The following ATXN1 variants were observed in gnomAD, a reference collection of about 807,000 sequenced individuals.
ATXN1 encodes the protein ataxin-1.
In ATXN1, 8 loss-of-function variants were observed where a neutral mutation model predicts 56.4. The ratio of observed to expected loss-of-function variants is 0.14; its 90% CI spans 0.08 to 0.26. ATXN1 has a LOEUF of 0.26. Ranked by LOEUF, ATXN1 falls within the 10% of genes least tolerant of loss-of-function variation. The pLI, the probability that ATXN1 is intolerant of heterozygous loss-of-function variation, is 1.00. For missense variants in ATXN1, 987 were observed against 1,106.5 expected (o/e 0.89, Z 1.53); for synonymous variants, 514 against 494.6 (o/e 1.04, Z -0.52).
intron 6 of ATXN1, among the ~76,000 whole-genome samples, chr6:16,413,901 C>T (rs1758851180): frequency 1.3e-5 from 2 of 152,154 alleles, no homozygotes; most frequent in African/African-American, 4.8e-5. Flanking sequence ...ACAAGAGTTA[C>T]TTTACATTCC....
chr6:16,351,604 T>C (rs904249331), intron 6 of ATXN1, among the ~76,000 whole-genome samples: 8 of 152,160 alleles, frequency 5.3e-5, no homozygotes, highest in African/African-American at 1.9e-4. Context: ...GGTTTCACCA[T>C]GTTGTCCAGG....
chr6:16,372,273 A>C (rs1762054460), intron 6 of ATXN1, among the ~76,000 whole-genome samples: 1 of 152,196 alleles, frequency 6.6e-6, no homozygotes, highest in Non-Finnish European at 1.5e-5. Context: ...GGGCCAGACC[A>C]ATAAGAAAGA....
chr6:16,442,277 T>C (rs751353183), intron 6 of ATXN1, among the ~76,000 whole-genome samples: 28 of 152,112 alleles, frequency 1.8e-4, no homozygotes, highest in Non-Finnish European at 3.5e-4. Context: ...CCAAGGAATA[T>C]TGTTCGCAGA....
intron 2 of ATXN1, among the ~76,000 whole-genome samples, chr6:16,702,785 C>T (rs1348947501): frequency 2.0e-5 from 3 of 152,190 alleles, no homozygotes; most frequent in Non-Finnish European, 2.9e-5. Context: ...AATGACATAC[C>T]ATCTCACACC....
chr6:16,411,355 T>C (rs1758796255), intron 6 of ATXN1, among the ~76,000 whole-genome samples: 11 of 152,056 alleles, frequency 7.2e-5, no homozygotes, highest in Admixed American at 7.2e-4. Context: ...TTAATATTGA[T>C]ATTGAATTAA....
At position 16,669,555 on chromosome 6, in the gene ATXN1, C is replaced by T. The variant is rs773127049; in HGVS notation, c.-614-11654G>A. Among the ~76,000 whole-genome samples the T allele has an allele frequency of 1.3e-3, 192 of 151,896 alleles. 1 individual carries two copies. Among genetic ancestry groups the T allele is most frequent in the Non-Finnish European group, 1.9e-4 (13 of 67,998 alleles). ...ATCCGGCAGACCCCCTTGGTGTGCT[C>T]TACTACAAAAGGCAGTTTTCTGAAT... On this transcript the variant is annotated intron_variant, in intron 2 of 7. Coordinates refer to ENST00000436367, the MANE Select transcript of ATXN1 (RefSeq NM_001128164.2).
chr6:16,333,653 T>C (rs1225879983), intron 6 of ATXN1, among the ~76,000 whole-genome samples: 1 of 152,186 alleles, frequency 6.6e-6, no homozygotes, highest in East Asian at 1.9e-4. Context: ...GTTTCAGCTT[T>C]AAAGAAGAGG....
chr6:16,706,730 A>AC (rs1336339236), intron 2 of ATXN1, among the ~76,000 whole-genome samples: 2 of 78,788 alleles, frequency 2.5e-5, no homozygotes, highest in Non-Finnish European at 5.3e-5. Flanking sequence ...TCTCAAAAAA[A>AC]AAAAAAAAAA....
chr6:16,670,591 A>G (rs933868080), intron 2 of ATXN1, among the ~76,000 whole-genome samples: 1 of 152,202 alleles, frequency 6.6e-6, no homozygotes, highest in African/African-American at 2.4e-5. Context: ...TGGCTCATCT[A>G]TATTTTGGGT....
At chr6:16,708,962 T>C (rs1759468136) in intron 2 of ATXN1, among the ~76,000 whole-genome samples, 1 of 149,948 alleles carries the variant, frequency 6.7e-6, no homozygotes, top group South Asian at 2.1e-4. Context: ...GGGAACAGAG[T>C]TTGCAGTGAG....
At position 16,436,943 on chromosome 6, in the gene ATXN1, G is replaced by A. The variant is rs542298518; in HGVS notation, c.-161+49029C>T. Among the ~76,000 whole-genome samples, 46 of 152,292 alleles carry A rather than the reference G, an allele frequency of 3.0e-4. No homozygotes were observed. In the South Asian group the frequency reaches 7.9e-3, roughly 26 times the overall value. On this transcript the variant is annotated intron_variant, in intron 6 of 7. Transcript: ENST00000436367. The stretch of plus-strand genomic sequence containing the variant: ...ACTCCAGCCAAGAGATGGTGGCACC[G>A]TGGACCAGCAGAATTGTGTAGGAGA...
chr6:16,711,826 C>CAGG (rs1277796833), intron 2 of ATXN1, among the ~76,000 whole-genome samples: 9 of 152,152 alleles, frequency 5.9e-5, no homozygotes, highest in African/African-American at 2.2e-4. Context: ...CCATGTTGCC[C>CAGG]AGGCTGATCT....
intron 2 of ATXN1, among the ~76,000 whole-genome samples, chr6:16,662,604 G>T (rs1021210560): frequency 6.6e-6 from 1 of 152,228 alleles, no homozygotes; most frequent in Non-Finnish European, 1.5e-5. Context: ...AAAGTGCTGG[G>T]ATTACAGGCG....
intron 4 of ATXN1, among the ~76,000 whole-genome samples, chr6:16,544,296 G>A (rs892038774): frequency 9.2e-5 from 14 of 152,144 alleles, no homozygotes; most frequent in African/African-American, 2.4e-4. Flanking sequence ...TGTCCAGGCC[G>A]GCTGGCCAAG....
intron 2 of ATXN1, among the ~76,000 whole-genome samples, chr6:16,677,748 G>C (rs1470227703): frequency 1.3e-5 from 2 of 152,144 alleles, no homozygotes; most frequent in African/African-American, 2.4e-5. Flanking sequence ...TCTTTCACGG[G>C]ATGACTAATT....
chr6:16,435,431 G>T (rs1759369641), intron 6 of ATXN1, among the ~76,000 whole-genome samples: 1 of 152,064 alleles, frequency 6.6e-6, no homozygotes, highest in African/African-American at 2.4e-5. Flanking sequence ...TAGAAAGCAG[G>T]TAGAAAGGGA....
At chr6:16,574,245 G>C (rs957604121) in intron 4 of ATXN1, among the ~76,000 whole-genome samples, 3 of 151,828 alleles carry the variant, frequency 2.0e-5, no homozygotes, top group African/African-American at 7.3e-5. Flanking sequence ...TCGCTCTGTC[G>C]CCCAGGCTGG....
intron 3 of ATXN1, among the ~76,000 whole-genome samples, chr6:16,654,490 G>C (rs899327748): frequency 1.3e-5 from 2 of 148,300 alleles, no homozygotes; most frequent in African/African-American, 5.0e-5. Flanking sequence ...GTTGCAGTGA[G>C]CCAAGATTGC....
chr6:16,501,826 G>C (rs1229239309), intron 5 of ATXN1, among the ~76,000 whole-genome samples: 1 of 152,104 alleles, frequency 6.6e-6, no homozygotes, highest in Non-Finnish European at 1.5e-5. Flanking sequence ...ATAATCCTTT[G>C]GGTATATAAC....
Sources: gnomAD v4.1 joint callset for allele counts (sites outside exome capture counted in the v4.1 genomes callset) on GRCh38, gnomAD v4.1.1 for gene constraint, MANE v1.5 for transcripts, NCBI Gene and HGNC (gene_info 2026-07-23, HGNC 2026-07-21) for gene names.